The following ADGRV1 variants were observed in gnomAD, a reference collection of about 807,000 sequenced individuals.
The protein encoded by ADGRV1 is G-protein coupled receptor 98.
A neutral mutation model predicts 596.2 loss-of-function variants in ADGRV1; 359 were observed. The ratio of observed to expected loss-of-function variants is 0.60; its 90% CI spans 0.55 to 0.66. The LOEUF (loss-of-function observed/expected upper bound fraction) is 0.66. ADGRV1 is among the 30% of genes least tolerant of loss of function. The pLI is 0.00. For synonymous variants in ADGRV1, 2,681 were observed against 2,679.2 expected, an observed-to-expected ratio of 1.00 and a Z score of -0.02; for missense variants, 7,274 against 7,575.6, an observed-to-expected ratio of 0.96 and a Z score of 1.48.
chr5:90,895,427 A>G (rs1219531564), intron 83 of ADGRV1, among the ~76,000 whole-genome samples: 2 of 152,192 alleles, frequency 1.3e-5, no homozygotes, highest in Non-Finnish European at 2.9e-5. Flanking sequence ...ATCTAAGACA[A>G]TAACAGTCTT....
chr5:91,070,100 G>A (rs564699781), intron 85 of ADGRV1, among the ~76,000 whole-genome samples: 3 of 152,246 alleles, frequency 2.0e-5, no homozygotes, highest in South Asian at 4.1e-4. Flanking sequence ...ACTGGAAACT[G>A]ATAGATGGGA....
At chr5:90,815,813 T>C in intron 75 of ADGRV1, 77 bp downstream of exon 75, 1 of 861,708 alleles carries the variant, frequency 1.2e-6, no homozygotes, top group East Asian at 2.7e-5. Flanking sequence ...CATACAATGG[T>C]GGAGGGCAGG....
chr5:90,645,099 C>T (rs968803921), intron 15 of ADGRV1, among the ~76,000 whole-genome samples: 1 of 152,130 alleles, frequency 6.6e-6, no homozygotes, highest in African/African-American at 2.4e-5. Context: ...CTCATGTATC[C>T]AGTATCAGGG....
chr5:91,139,867 T>C (rs1263648188), intron 87 of ADGRV1, among the ~76,000 whole-genome samples: 1 of 152,220 alleles, frequency 6.6e-6, no homozygotes, highest in Non-Finnish European at 1.5e-5. Flanking sequence ...GTTTTGACAA[T>C]GTGGACCACC....
chr5:90,670,130 T>TTCTAG (rs762957343), intron 21 of ADGRV1, among the ~76,000 whole-genome samples: 15 of 152,324 alleles, frequency 9.8e-5, no homozygotes, highest in Admixed American at 3.3e-4. Flanking sequence ...CTTGATGCAT[T>TTCTAG]TCTAGGATAT....
At chr5:90,721,576 T>TAAAATATAAA (rs1554094718) in intron 45 of ADGRV1, among the ~76,000 whole-genome samples, 6,140 of 119,896 alleles carry the variant, frequency 0.051, 836 homozygotes, top group East Asian at 0.18. Context: ...TAAAATAAAA[T>TAAAATATAAA]AAAATAAAAT....
intron 83 of ADGRV1, among the ~76,000 whole-genome samples, chr5:90,892,359 G>A (rs1770905063): frequency 6.6e-6 from 1 of 152,060 alleles, no homozygotes; most frequent in Admixed American, 6.6e-5. Flanking sequence ...AGAATAATAT[G>A]TGATAAAAGT....
intron 84 of ADGRV1, among the ~76,000 whole-genome samples, chr5:90,973,518 T>G (rs1167740072): frequency 6.6e-6 from 1 of 152,194 alleles, no homozygotes; most frequent in Non-Finnish European, 1.5e-5. Flanking sequence ...CAAGTGGACT[T>G]CATCCCTGGG....
intron 77 of ADGRV1, among the ~76,000 whole-genome samples, chr5:90,831,255 A>G (rs1764497305): frequency 6.6e-6 from 1 of 151,202 alleles, no homozygotes; most frequent in Non-Finnish European, 1.5e-5. Flanking sequence ...ATACACACAC[A>G]CACATACGTA....
intron 84 of ADGRV1, among the ~76,000 whole-genome samples, chr5:90,983,329 G>A (rs10054039): frequency 0.5 from 76,074 of 151,900 alleles, 20,649 homozygotes; most frequent in African/African-American, 0.71. Context: ...GAGTAATTCT[G>A]ACTGATGGAA....
intron 1 of ADGRV1, among the ~76,000 whole-genome samples, chr5:90,605,690 G>C (rs1394830973): frequency 6.6e-6 from 1 of 152,084 alleles, no homozygotes; most frequent in Non-Finnish European, 1.5e-5. Context: ...AAATGAACAT[G>C]TCAAGATTTT....
chr5:90,642,920 A>G lies in ADGRV1; in HGVS notation c.2432A>G (p.His811Arg). The stretch of plus-strand genomic sequence containing the variant: ...GGGTCCCTTGTTAAGCAGTTTCTAC[A>G]CTACCGAGTAGAGCCAAGAGATAGC... ...SRGSLVKQFLHYRVEPRDSNE... is the reference protein window; with the variant it reads ...SRGSLVKQFLRYRVEPRDSNE... The change falls in exon 13 of 90, where the codon CAC becomes CGC. Residue 811 changes from histidine (H) to arginine (R), a missense_variant. His to Arg is a conservative substitution (Grantham distance 29). Around this residue, in one of 5 missense-constraint regions of ADGRV1, gnomAD observed 1,715 missense variants for 1,708.8 expected, o/e 1.00. Coordinates refer to ENST00000405460, the MANE Select transcript of ADGRV1 (RefSeq NM_032119.4). 5 of 1,612,790 alleles carry G rather than the reference A, an allele frequency of 3.1e-6. No individual in the cohort carries two copies. Among genetic ancestry groups the G allele is most frequent in the Non-Finnish European group, 4.2e-6 (5 of 1,179,170 alleles).
chr5:90,994,073 TG>T (rs1433379996), intron 85 of ADGRV1, among the ~76,000 whole-genome samples: 1 of 151,678 alleles, frequency 6.6e-6, no homozygotes, highest in Non-Finnish European at 1.5e-5. Flanking sequence ...TTTTTTTTTT[TG>T]GAGACAGAGT....
At position 90,788,286 on chromosome 5, in the gene ADGRV1, C is replaced by G. The variant is rs1561733910; in HGVS notation, c.13869C>G (p.Ser4623=). 6.2e-7 allele frequency: 1 copy of G among 1,612,508 alleles called. No individual in the cohort carries two copies. Among genetic ancestry groups the G allele is most frequent in the Non-Finnish European group, 8.5e-7 (1 of 1,178,882 alleles). ...TGAAAGGAGAAGCTAAATTAGACTCCAGAGCTAAAGATGTTACATTAACCG... is the reference window on the plus strand; with the variant it reads ...TGAAAGGAGAAGCTAAATTAGACTCGAGAGCTAAAGATGTTACATTAACCG... ...HLVKGEAKLD[S]RAKDVTLTIQ... is the part of the protein sequence containing the mutation. The change falls in exon 68 of 90, where the codon TCC becomes TCG. Residue 4623 remains serine, a synonymous_variant. Coordinates refer to ENST00000405460, the MANE Select transcript of ADGRV1 (RefSeq NM_032119.4).
At chr5:91,136,235 C>A (rs1315613005) in intron 87 of ADGRV1, among the ~76,000 whole-genome samples, 1 of 152,086 alleles carries the variant, frequency 6.6e-6, no homozygotes, top group Non-Finnish European at 1.5e-5. Flanking sequence ...TCCCCCATTG[C>A]CCCCTACCAT....
chr5:90,810,652 C>T lies in ADGRV1; in HGVS notation c.15392C>T (p.Ala5131Val). The T allele has an allele frequency of 6.2e-7, 1 of 1,613,762 alleles. No individual in the cohort carries two copies. The highest frequency in any genetic ancestry group is 1.7e-5 in the Admixed American group (1 of 60,004). Residue 5131 changes from alanine to valine, a missense_variant, in exon 74 of 90, where the codon GCA becomes GTA. Physicochemically the swap from Ala to Val is moderately conservative, Grantham distance 64 (BLOSUM62 0). Transcript: ENST00000405460. Reference sequence around the variant, plus strand: ...ACAATATTGGATAATGATGACCTGGCAGGAATGGATATTTCCTTCCCCGAG... The same window carrying T: ...ACAATATTGGATAATGATGACCTGGTAGGAATGGATATTTCCTTCCCCGAG... The part of the protein sequence containing the change: ...VITILDNDDL[A>V]GMDISFPETT...
chr5:90,865,730 T>A (rs1453473582), intron 83 of ADGRV1, among the ~76,000 whole-genome samples: 1 of 152,130 alleles, frequency 6.6e-6, no homozygotes, highest in Non-Finnish European at 1.5e-5. Flanking sequence ...AACAATACCC[T>A]CTGAGTTAAG....
intron 85 of ADGRV1, among the ~76,000 whole-genome samples, chr5:91,033,313 A>G (rs1167145472): frequency 6.6e-6 from 1 of 152,142 alleles, no homozygotes; most frequent in Non-Finnish European, 1.5e-5. Context: ...AAGCATGGCT[A>G]GAGTTTTCTA....
intron 86 of ADGRV1, among the ~76,000 whole-genome samples, chr5:91,082,210 A>G (rs1349961642): frequency 6.6e-6 from 1 of 152,256 alleles, no homozygotes; most frequent in Non-Finnish European, 1.5e-5. Flanking sequence ...TGTTTGACCC[A>G]GAGAATTAAT....
Sources: allele counts gnomAD v4.1 joint callset (sites outside exome capture counted in the v4.1 genomes callset), GRCh38; gene constraint gnomAD v4.1.1; regional missense constraint gnomAD v4.1.1; transcripts MANE v1.5; gene names NCBI Gene and HGNC (gene_info 2026-07-23, HGNC 2026-07-21).